Variants in GALNTL6 observed in about 807,000 individuals in gnomAD.
The protein encoded by GALNTL6 is polypeptide N-acetylgalactosaminyltransferase like 6, also known as polypeptide N-acetylgalactosaminyltransferase-like 6.
In GALNTL6, 46 loss-of-function variants were observed where a neutral mutation model predicts 73.7. The ratio of observed to expected loss-of-function variants is 0.62; its 90% CI spans 0.49 to 0.80. The LOEUF (loss-of-function observed/expected upper bound fraction) is 0.80. Ranked by LOEUF, GALNTL6 falls within the 30% of genes least tolerant of loss-of-function variation. The pLI is 0.00. For synonymous variants in GALNTL6, 259 were observed against 263.7 expected (o/e 0.98, Z 0.17); for missense variants, 604 against 755.0 (o/e 0.80, Z 2.34).
At chr4:171,974,020 G>T (rs984642590) in intron 2 of GALNTL6, among the ~76,000 whole-genome samples, 2 of 151,586 alleles carry the variant, frequency 1.3e-5, no homozygotes, top group African/African-American at 4.9e-5. Flanking sequence ...TTATTTTTTT[G>T]AAAGAGTCTT....
chr4:172,632,905 C>T (rs924257758), intron 5 of GALNTL6, among the ~76,000 whole-genome samples: 5 of 152,220 alleles, frequency 3.3e-5, no homozygotes, highest in African/African-American at 1.2e-4. Flanking sequence ...ACAGCTCAGG[C>T]CATTGCTTCA....
chr4:172,468,446 T>A (rs1732920488), intron 5 of GALNTL6, among the ~76,000 whole-genome samples: 1 of 152,216 alleles, frequency 6.6e-6, no homozygotes, highest in Non-Finnish European at 1.5e-5. Flanking sequence ...ACTATATGAC[T>A]GTTATTGTTA....
intron 3 of GALNTL6, among the ~76,000 whole-genome samples, chr4:172,250,478 G>T (rs915105786): frequency 1.3e-5 from 2 of 152,078 alleles, no homozygotes; most frequent in African/African-American, 4.8e-5. Flanking sequence ...GGAGCATAAT[G>T]ATATGGTTTT....
chr4:172,460,191 C>CA (rs557278353), intron 5 of GALNTL6, among the ~76,000 whole-genome samples: 106 of 152,260 alleles, frequency 7.0e-4, no homozygotes, highest in African/African-American at 2.4e-3. Flanking sequence ...AACTGAACCC[C>CA]TTCTTTGTAT....
intron 5 of GALNTL6, among the ~76,000 whole-genome samples, chr4:172,622,413 T>G (rs774390667): frequency 2.0e-5 from 3 of 152,078 alleles, no homozygotes; most frequent in Non-Finnish European, 4.4e-5. Context: ...AGAAAAACAA[T>G]GGATCACATT....
chr4:172,057,727 A>AATATATATATATATATAT (rs147660032), intron 2 of GALNTL6, among the ~76,000 whole-genome samples: 2 of 46,154 alleles, frequency 4.3e-5, no homozygotes, highest in African/African-American at 1.6e-4. Flanking sequence ...AAAAAAAAAA[A>AATATATATATATATATAT]ATATATATAT....
At chr4:172,228,598 T>G (rs1736948024) in intron 2 of GALNTL6, among the ~76,000 whole-genome samples, 1 of 152,168 alleles carries the variant, frequency 6.6e-6, no homozygotes, top group African/African-American at 2.4e-5. Context: ...TAGAATAAAA[T>G]TACCTCACTG....
chr4:172,587,153 C>A (rs769925934), intron 5 of GALNTL6, among the ~76,000 whole-genome samples: 4 of 152,080 alleles, frequency 2.6e-5, no homozygotes, highest in African/African-American at 4.8e-5. Context: ...AATGTACGAT[C>A]CCCTGTTCAC....
rs1424961426 is a variant in GALNTL6, at chr4:172,337,156, G to T, written c.387-11367G>T. On this transcript the variant is annotated intron_variant, in intron 4 of 12. Transcript: ENST00000506823. ...CCAACCTTTCACTTTAAGCTTATGG[G>T]TATCCTTACATTTAAGATGGTTCTC... 2.0e-5 allele frequency among the ~76,000 whole-genome samples: 3 copies of T among 151,766 alleles called. No individual in the cohort carries two copies. The East Asian group carries it at 5.8e-4, about 29-fold the overall frequency.
At chr4:172,857,008 T>C (rs1744154834) in intron 7 of GALNTL6, among the ~76,000 whole-genome samples, 1 of 152,200 alleles carries the variant, frequency 6.6e-6, no homozygotes, top group Non-Finnish European at 1.5e-5. Flanking sequence ...CCTCCTCAGT[T>C]CATCCTATTT....
chr4:172,279,151 G>T (rs1205567850), intron 3 of GALNTL6, among the ~76,000 whole-genome samples: 1 of 152,020 alleles, frequency 6.6e-6, no homozygotes, highest in Non-Finnish European at 1.5e-5. Context: ...CATGACACTG[G>T]ATTTTGCAGC....
At chr4:172,522,188 TG>T (rs1389838673) in intron 5 of GALNTL6, among the ~76,000 whole-genome samples, 2 of 152,222 alleles carry the variant, frequency 1.3e-5, no homozygotes, top group African/African-American at 4.8e-5. Context: ...ATATCTAATG[TG>T]TTTTTTTAAA....
At chr4:172,570,443 A>G (rs1336524688) in intron 5 of GALNTL6, among the ~76,000 whole-genome samples, 1 of 152,004 alleles carries the variant, frequency 6.6e-6, no homozygotes, top group Non-Finnish European at 1.5e-5. Context: ...TAGCCCCTCT[A>G]CTTCAGACTG....
At chr4:171,832,264 A>G (rs1734994733) in intron 2 of GALNTL6, among the ~76,000 whole-genome samples, 1 of 151,416 alleles carries the variant, frequency 6.6e-6, no homozygotes, top group Non-Finnish European at 1.5e-5. Flanking sequence ...TAAATATAAA[A>G]TAGTAATCTG....
chr4:172,813,769 CT>C (rs1265265072), intron 7 of GALNTL6, 46 bp downstream of exon 7: 2 of 1,459,306 alleles, frequency 1.4e-6, no homozygotes, highest in Non-Finnish European at 1.9e-6. Flanking sequence ...GGGCAGGTAA[CT>C]CATTGCAGTG....
chr4:172,177,841 A>ATGTG (rs1362255245), intron 2 of GALNTL6, among the ~76,000 whole-genome samples: 10 of 30,634 alleles, frequency 3.3e-4, no homozygotes, highest in Non-Finnish European at 1.4e-3. Flanking sequence ...ACACATATAT[A>ATGTG]TGTGTATATA....
chr4:172,656,233 A>T (rs1486207146), intron 5 of GALNTL6, among the ~76,000 whole-genome samples: 1 of 152,120 alleles, frequency 6.6e-6, no homozygotes, highest in East Asian at 1.9e-4. Flanking sequence ...GATCCTGGAC[A>T]CTGCCATGCA....
intron 5 of GALNTL6, among the ~76,000 whole-genome samples, chr4:172,684,478 C>G (rs1732805022): frequency 1.3e-5 from 2 of 151,804 alleles, no homozygotes. Flanking sequence ...AAATATTAAG[C>G]AATAATACAA....
At chr4:172,145,790 A>G (rs1010877811) in intron 2 of GALNTL6, among the ~76,000 whole-genome samples, 1 of 152,188 alleles carries the variant, frequency 6.6e-6, no homozygotes, top group African/African-American at 2.4e-5. Context: ...GACTTGGCCT[A>G]AAACTTAAAT....
Sources: gnomAD v4.1 joint callset for allele counts (sites outside exome capture counted in the v4.1 genomes callset) on GRCh38, gnomAD v4.1.1 for gene constraint, MANE v1.5 for transcripts, NCBI Gene and HGNC (gene_info 2026-07-23, HGNC 2026-07-21) for gene names.